Variants in INPP5A observed in about 807,000 individuals in gnomAD.
INPP5A encodes the protein 43 kDa inositol polyphosphate 5-phophatase.
Under a neutral mutation model 65.2 loss-of-function variants are expected in INPP5A, and 14 were observed. The observed-to-expected ratio is 0.21, with a 90% CI of 0.14 to 0.34. The LOEUF is 0.34. Among genes scored for constraint, INPP5A ranks in the 10% least tolerant of loss-of-function variants. INPP5A has a pLI of 1.00. For synonymous variants in INPP5A, 207 were observed against 208.3 expected (o/e 0.99, Z 0.05); for missense variants, 431 against 545.6 (o/e 0.79, Z 2.09).
At chr10:132,688,460 C>G (rs888907338) in intron 4 of INPP5A, among the ~76,000 whole-genome samples, 3 of 152,218 alleles carry the variant, frequency 2.0e-5, no homozygotes, top group African/African-American at 7.2e-5. Flanking sequence ...CAGGCATTGC[C>G]TTTGACTTTC....
chr10:132,626,152 G>C lies in INPP5A; in HGVS notation c.117+18196G>C, dbSNP rs547598274. 3.6e-3 allele frequency among the ~76,000 whole-genome samples: 555 copies of C among 152,358 alleles called. 4 individuals carry two copies. Among genetic ancestry groups the C allele is most frequent in the Non-Finnish European group, 5.0e-3 (337 of 68,036 alleles). On this transcript the variant is annotated intron_variant, in intron 2 of 15. Transcript: ENST00000368594. ...TTCCCTGTGCTAGTGTGTTGAGCCA[G>C]TTCCGTGTTGTCACACACTGTGGCT...
chr10:132,632,935 G>C (rs1435290960), intron 2 of INPP5A, among the ~76,000 whole-genome samples: 1 of 152,246 alleles, frequency 6.6e-6, no homozygotes, highest in African/African-American at 2.4e-5. Context: ...CCATGGCGGG[G>C]CATTCACACC....
At position 132,690,448 on chromosome 10, in the gene INPP5A, C is replaced by T. The variant is rs1845240102; in HGVS notation, c.363C>T (p.Asp121=). The T allele has an allele frequency of 1.2e-6, 2 of 1,611,810 alleles. No individual in the cohort carries two copies. Among genetic ancestry groups the T allele is most frequent in the African/African-American group, 1.3e-5 (1 of 74,986 alleles). ...CCTTAAAAAACATCTACCAGTTTGACTTTAAAGGTAAGACTGCGTGCCGTC... is the reference window on the plus strand; with the variant it reads ...CCTTAAAAAACATCTACCAGTTTGATTTTAAAGGTAAGACTGCGTGCCGTC... ...HESLKNIYQF[D]FKAKKYRKVA... The change falls in exon 5 of 16, where the codon GAC becomes GAT. Residue 121 remains aspartate (D), a synonymous_variant. Coordinates refer to ENST00000368594, the MANE Select transcript of INPP5A (RefSeq NM_005539.5).
At chr10:132,672,053 A>C (rs931511821) in intron 4 of INPP5A, among the ~76,000 whole-genome samples, 1 of 152,240 alleles carries the variant, frequency 6.6e-6, no homozygotes, top group Admixed American at 6.5e-5. Flanking sequence ...TTAGAGGTCA[A>C]AATTCAGTAG....
chr10:132,766,461 T>C (rs2134675235), intron 12 of INPP5A, among the ~76,000 whole-genome samples: 1 of 152,274 alleles, frequency 6.6e-6, no homozygotes, highest in East Asian at 1.9e-4. Context: ...CATGCGTGTG[T>C]GTGCCTGGGT....
At chr10:132,739,722 G>T (rs1173584379) in intron 9 of INPP5A, among the ~76,000 whole-genome samples, 2 of 152,220 alleles carry the variant, frequency 1.3e-5, no homozygotes, top group Non-Finnish European at 1.5e-5. Context: ...GCCTCCGGGA[G>T]TTAATTTGAG....
intron 4 of INPP5A, among the ~76,000 whole-genome samples, chr10:132,689,993 C>T (rs568488262): frequency 1.0e-3 from 154 of 152,146 alleles, no homozygotes; most frequent in African/African-American, 3.5e-3. Flanking sequence ...GGGACCTGCG[C>T]CCCTGCTGGA....
intron 4 of INPP5A, among the ~76,000 whole-genome samples, chr10:132,684,846 T>C (rs901842374): frequency 6.6e-6 from 1 of 152,182 alleles, no homozygotes; most frequent in African/African-American, 2.4e-5. Context: ...GCCCCTGGGC[T>C]CCTGCGTGAG....
chr10:132,559,839 T>C (rs2071178679), intron 1 of INPP5A, among the ~76,000 whole-genome samples: 1 of 152,272 alleles, frequency 6.6e-6, no homozygotes, highest in South Asian at 2.1e-4. Context: ...TTCTTCCTTA[T>C]GACTGAATGC....
At chr10:132,561,598 A>T (rs1180381111) in intron 1 of INPP5A, among the ~76,000 whole-genome samples, 1 of 152,064 alleles carries the variant, frequency 6.6e-6, no homozygotes, top group Non-Finnish European at 1.5e-5. Flanking sequence ...TCATTGTAGC[A>T]TTGAGGTAGG....
intron 11 of INPP5A, 111 bp downstream of exon 11, chr10:132,749,956 C>T (rs933091736): frequency 1.1e-6 from 1 of 949,046 alleles, no homozygotes; most frequent in South Asian, 1.3e-5. Flanking sequence ...CCTGCCACCT[C>T]CAGGACTCAG....
chr10:132,689,510 A>G (rs1035045129), intron 4 of INPP5A, among the ~76,000 whole-genome samples: 8 of 152,260 alleles, frequency 5.3e-5, no homozygotes, highest in African/African-American at 1.7e-4. Context: ...TCTTTGGGGT[A>G]TAATTTAGTG....
intron 1 of INPP5A, among the ~76,000 whole-genome samples, chr10:132,567,968 G>A (rs959500903): frequency 3.3e-5 from 5 of 151,966 alleles, no homozygotes; most frequent in Non-Finnish European, 7.4e-5. Flanking sequence ...CGAGGCGGGC[G>A]GATCATGAGG....
chr10:132,686,340 T>C (rs2073113475), intron 4 of INPP5A, among the ~76,000 whole-genome samples: 1 of 152,250 alleles, frequency 6.6e-6, no homozygotes, highest in Non-Finnish European at 1.5e-5. Context: ...TAATGAGCAC[T>C]CTTGACAGTC....
chr10:132,702,323 TATTC>T (rs1033911145), intron 6 of INPP5A, among the ~76,000 whole-genome samples: 1 of 152,248 alleles, frequency 6.6e-6, no homozygotes, highest in African/African-American at 2.4e-5. Context: ...TCGTTTTATT[TATTC>T]AGTCTATGGA....
intron 2 of INPP5A, among the ~76,000 whole-genome samples, chr10:132,623,991 AAAACAGTACAG>A (rs2072141570): frequency 6.6e-6 from 1 of 152,194 alleles, no homozygotes; most frequent in Non-Finnish European, 1.5e-5. Flanking sequence ...ATTGGCTGTA[AAAACAGTACAG>A]AAACCCTGAC....
chr10:132,611,245 G>A (rs1431225701), intron 2 of INPP5A, among the ~76,000 whole-genome samples: 3 of 135,518 alleles, frequency 2.2e-5, no homozygotes, highest in African/African-American at 8.4e-5. Context: ...AGGGAGGTGA[G>A]GTGGGCAGGG....
At chr10:132,582,336 A>G (rs761165796) in intron 1 of INPP5A, among the ~76,000 whole-genome samples, 2 of 151,026 alleles carry the variant, frequency 1.3e-5, no homozygotes, top group African/African-American at 4.9e-5. Flanking sequence ...ATTTTTGTGT[A>G]TGATGTGAGA....
chr10:132,744,477 G>A (rs929567181), intron 9 of INPP5A, among the ~76,000 whole-genome samples: 1 of 152,164 alleles, frequency 6.6e-6, no homozygotes, highest in Non-Finnish European at 1.5e-5. Context: ...CGGACATCCC[G>A]TTCATGGTGG....
Sources: gnomAD v4.1 joint callset for allele counts (sites outside exome capture counted in the v4.1 genomes callset) on GRCh38, gnomAD v4.1.1 for gene constraint, MANE v1.5 for transcripts, NCBI Gene and HGNC (gene_info 2026-07-23, HGNC 2026-07-21) for gene names.